The following CCDC3 variants were observed in gnomAD, a reference collection of about 807,000 sequenced individuals.
CCDC3 encodes coiled-coil domain-containing protein 3.
Under a neutral mutation model 21.4 loss-of-function variants are expected in CCDC3, and 24 were observed. The observed-to-expected ratio is 1.12, with a 90% confidence interval of 0.81 to 1.58. The LOEUF (loss-of-function observed/expected upper bound fraction) is 1.58, where lower values mean the gene tolerates loss of function less well. CCDC3 is among the 40% of genes most tolerant of loss of function. The probability of loss-of-function intolerance (pLI) is 0.00; values close to 1 mark genes in which losing one functional copy is unlikely to be tolerated. For synonymous variants in CCDC3, 186 were observed against 166.0 expected (o/e 1.12, Z -0.93); for missense variants, 425 against 360.9 (o/e 1.18, Z -1.44).
intron 5 of CCDC3, among the ~76,000 whole-genome samples, chr10:13,007,878 C>T (rs1835942807): frequency 6.6e-6 from 1 of 152,082 alleles, no homozygotes; most frequent in Non-Finnish European, 1.5e-5. Flanking sequence ...TAGCTGGGGC[C>T]AAACAAGTTA....
intron 2 of CCDC3, among the ~76,000 whole-genome samples, chr10:12,923,363 T>C (rs77483921): frequency 0.053 from 8,011 of 152,244 alleles, 235 homozygotes; most frequent in Non-Finnish European, 0.071. Context: ...TCTGAAATAC[T>C]CGTTATTCCC....
chr10:13,054,126 C>CAGAGAG (rs71386142), intron 4 of CCDC3, among the ~76,000 whole-genome samples: 5 of 127,210 alleles, frequency 3.9e-5, no homozygotes, highest in African/African-American at 6.0e-5. Flanking sequence ...GCCTGGGTGA[C>CAGAGAG]AGAGAGAGAG....
chr10:13,070,046 T>A (rs1836864366), intron 4 of CCDC3, among the ~76,000 whole-genome samples: 1 of 152,238 alleles, frequency 6.6e-6, no homozygotes, highest in African/African-American at 2.4e-5. Context: ...GAAATGTTTA[T>A]GAATATCAAG....
chr10:12,985,277 C>T (rs965732519), intron 2 of CCDC3, among the ~76,000 whole-genome samples: 5 of 152,130 alleles, frequency 3.3e-5, no homozygotes, highest in African/African-American at 1.2e-4. Context: ...GTAATTACAC[C>T]GAATGCTGGC....
At chr10:12,916,255 A>G (rs1834353570) in intron 2 of CCDC3, among the ~76,000 whole-genome samples, 1 of 152,008 alleles carries the variant, frequency 6.6e-6, no homozygotes, top group South Asian at 2.1e-4. Context: ...AACATGGTGA[A>G]ACCCCGTCTC....
At chr10:12,997,512 A>T (rs763740817) in intron 2 of CCDC3, among the ~76,000 whole-genome samples, 2 of 151,816 alleles carry the variant, frequency 1.3e-5, no homozygotes, top group Non-Finnish European at 2.9e-5. Context: ...TTCATTCCCA[A>T]CCCTTACGAT....
intron 2 of CCDC3, among the ~76,000 whole-genome samples, chr10:12,911,938 C>T (rs1028263954): frequency 1.3e-5 from 2 of 152,100 alleles, no homozygotes; most frequent in South Asian, 2.1e-4. Flanking sequence ...CACTTAATAT[C>T]CTCCAGTTTC....
intron 2 of CCDC3, among the ~76,000 whole-genome samples, chr10:12,938,148 G>C (rs964551789): frequency 1.3e-5 from 2 of 152,112 alleles, no homozygotes; most frequent in Non-Finnish European, 2.9e-5. Flanking sequence ...TGGAAGGAGG[G>C]GTTAGCATTT....
chr10:13,099,737 G>C (rs1832693678), upstream of CCDC3: 1 of 151,932 alleles, frequency 6.6e-6, no homozygotes, highest in Non-Finnish European at 1.5e-5. Flanking sequence ...ACAGATGGAG[G>C]CCTCCCTCCG....
intron 3 of CCDC3, among the ~76,000 whole-genome samples, chr10:13,081,831 C>T (rs879192701): frequency 6.6e-6 from 1 of 152,228 alleles, no homozygotes. Context: ...GCAATCGTTA[C>T]GCTTGTGTGC....
At chr10:13,030,873 T>C (rs1157516409) in intron 5 of CCDC3, among the ~76,000 whole-genome samples, 2 of 152,126 alleles carry the variant, frequency 1.3e-5, no homozygotes, top group Non-Finnish European at 2.9e-5. Context: ...CAAAGAGACT[T>C]AGACTCCCAC....
chr10:13,005,917 T>G (rs1479266217), upstream of CCDC3, among the ~76,000 whole-genome samples: 1 of 152,200 alleles, frequency 6.6e-6, no homozygotes, highest in Non-Finnish European at 1.5e-5. Flanking sequence ...CTCCCTCTTT[T>G]CCCATTTAGA....
At chr10:12,948,413 C>G (rs1400941700) in intron 2 of CCDC3, among the ~76,000 whole-genome samples, 1 of 151,930 alleles carries the variant, frequency 6.6e-6, no homozygotes, top group Admixed American at 6.6e-5. Flanking sequence ...CTCTCTCAGG[C>G]ATGTGTGATA....
At chr10:12,953,190 C>T (rs975060962) in intron 2 of CCDC3, among the ~76,000 whole-genome samples, 1 of 152,194 alleles carries the variant, frequency 6.6e-6, no homozygotes, top group South Asian at 2.1e-4. Context: ...ACAAGGATGG[C>T]AGCAGGCAAA....
At chr10:13,078,056 A>G (rs1227748957) in intron 3 of CCDC3, among the ~76,000 whole-genome samples, 1 of 152,246 alleles carries the variant, frequency 6.6e-6, no homozygotes, top group African/African-American at 2.4e-5. Flanking sequence ...AGAAATTACC[A>G]TCAGAGTGAA....
chr10:13,090,760 G>C (rs1232588262), intron 3 of CCDC3, among the ~76,000 whole-genome samples: 2 of 152,196 alleles, frequency 1.3e-5, no homozygotes, highest in African/African-American at 4.8e-5. Context: ...GTTCTCTAGA[G>C]GGACAGAAGT....
intron 2 of CCDC3, among the ~76,000 whole-genome samples, chr10:12,957,427 G>C (rs567869287): frequency 6.6e-6 from 1 of 152,346 alleles, no homozygotes; most frequent in South Asian, 2.1e-4. Context: ...GTCTGCTAAA[G>C]GTTGCTAGAA....
chr10:12,995,034 A>G (rs1174116717), intron 2 of CCDC3, among the ~76,000 whole-genome samples: 1 of 151,670 alleles, frequency 6.6e-6, no homozygotes, highest in African/African-American at 2.4e-5. Context: ...GTGAGCCGAG[A>G]TCATGCCATT....
intron 2 of CCDC3, among the ~76,000 whole-genome samples, chr10:12,904,490 A>AAAAAAAAAAAAAAAAC (rs1176216643): frequency 6.7e-6 from 1 of 149,868 alleles, no homozygotes; most frequent in African/African-American, 2.4e-5. Context: ...AAAAAAAAAA[A>AAAAAAAAAAAAAAAAC]AGACTGGCTC....
Sources: allele counts gnomAD v4.1 joint callset (sites outside exome capture counted in the v4.1 genomes callset), GRCh38; gene constraint gnomAD v4.1.1; transcripts MANE v1.5; gene names NCBI Gene and HGNC (gene_info 2026-07-23, HGNC 2026-07-21).